The following JAK2 variants were observed in gnomAD, a reference collection of about 807,000 sequenced individuals.
JAK2 encodes the protein tyrosine-protein kinase JAK2.
A neutral mutation model predicts 139.3 loss-of-function variants in JAK2; 86 were observed. That is an observed-to-expected ratio of 0.62 (90% CI 0.52 to 0.74). The LOEUF (loss-of-function observed/expected upper bound fraction) is 0.74. Ranked by LOEUF, JAK2 falls within the 30% of genes least tolerant of loss-of-function variation. The probability of loss-of-function intolerance (pLI) is 0.00; values close to 1 mark genes in which losing one functional copy is unlikely to be tolerated. For missense variants in JAK2, 1,421 were observed against 1,360.3 expected, an observed-to-expected ratio of 1.04 and a Z score of -0.70; for synonymous variants, 490 against 437.7, an observed-to-expected ratio of 1.12 and a Z score of -1.49.
chr9:5,118,919 T>A (rs929639015), intron 22 of JAK2, among the ~76,000 whole-genome samples: 2 of 152,224 alleles, frequency 1.3e-5, no homozygotes, highest in Non-Finnish European at 2.9e-5. Context: ...TCATCTGTTT[T>A]CTCAATTTCT....
Position 5,128,382 on chromosome 9 carries a change from G to A in JAK2, c.*1591G>A, listed in dbSNP as rs1456431494. On this transcript the variant is annotated 3_prime_UTR_variant, in exon 25 of 25. Coordinates refer to ENST00000381652, the MANE Select transcript of JAK2 (RefSeq NM_004972.4). ...TTTTAAAAAGATTTTAGATTTTTTTGAAAGTTTAATTTTTATTTGTAAAGA... is the reference window on the plus strand; with the variant it reads ...TTTTAAAAAGATTTTAGATTTTTTTAAAAGTTTAATTTTTATTTGTAAAGA... 6.6e-6 allele frequency among the ~76,000 whole-genome samples: 1 copy of A among 151,608 alleles called. No individual in the cohort carries two copies. Among genetic ancestry groups the A allele is most frequent in the East Asian group, 1.9e-4 (1 of 5,192 alleles).
At chr9:4,990,665 T>A (rs1315841677) in intron 2 of JAK2, among the ~76,000 whole-genome samples, 1 of 152,058 alleles carries the variant, frequency 6.6e-6, no homozygotes, top group East Asian at 1.9e-4. Context: ...ATGATCAACA[T>A]GTTGATCATT....
intron 12 of JAK2, among the ~76,000 whole-genome samples, chr9:5,071,843 C>T (rs142853929): frequency 6.6e-6 from 1 of 152,276 alleles, no homozygotes; most frequent in African/African-American, 2.4e-5. Context: ...TGAACACAAG[C>T]AGCCTTACTG....
Position 4,994,470 on chromosome 9 carries a change from A to T in JAK2, c.-26+8448A>T, listed in dbSNP as rs1355738604. 2.0e-5 allele frequency among the ~76,000 whole-genome samples: 3 copies of T among 152,160 alleles called. No homozygotes were observed. In the East Asian group the frequency reaches 5.8e-4, roughly 29 times the overall value. ...CATCTGTGAGTTCCCAGGTGATCTG[A>T]TAATGTTGATCTGGGGCCTAGATTG... is the stretch of plus-strand genomic sequence containing the variant. On this transcript the variant is annotated intron_variant, in intron 2 of 24. Coordinates refer to ENST00000381652, the MANE Select transcript of JAK2 (RefSeq NM_004972.4).
intron 22 of JAK2, chr9:5,112,536 G>A (rs1564016650): frequency 1.7e-6 from 1 of 596,474 alleles, no homozygotes; most frequent in Non-Finnish European, 3.0e-6. Flanking sequence ...AGGCCGAGTG[G>A]GAGAAGCAGG....
At chr9:5,100,002 A>G (rs765864862) in intron 22 of JAK2, 11 of 152,198 alleles carry the variant, frequency 7.2e-5, no homozygotes, top group African/African-American at 1.9e-4. Context: ...CCATTAGCCT[A>G]TTTATTCAAC....
chr9:5,104,192 GA>G (rs1821765510), intron 22 of JAK2, among the ~76,000 whole-genome samples: 3 of 152,078 alleles, frequency 2.0e-5, no homozygotes, highest in Admixed American at 2.0e-4. Flanking sequence ...AGAAAAGAGA[GA>G]AGAATCAAAT....
intron 19 of JAK2, among the ~76,000 whole-genome samples, chr9:5,082,382 A>G (rs1205940844): frequency 1.3e-5 from 2 of 152,210 alleles, no homozygotes; most frequent in African/African-American, 4.8e-5. Context: ...GCTTCTCTCC[A>G]CCCAAACATC....
intron 22 of JAK2, chr9:5,108,907 C>G (rs1255482742): frequency 6.6e-6 from 1 of 152,144 alleles, no homozygotes; most frequent in Non-Finnish European, 1.5e-5. Context: ...TTCTGCCTAG[C>G]AAATTCCAAC....
At chr9:4,987,817 A>G (rs1820044804) in intron 2 of JAK2, among the ~76,000 whole-genome samples, 1 of 152,026 alleles carries the variant, frequency 6.6e-6, no homozygotes. Flanking sequence ...GATTGTTGTG[A>G]GAAGTGAGTA....
intron 10 of JAK2, among the ~76,000 whole-genome samples, chr9:5,067,924 C>T (rs556065359): frequency 1.3e-4 from 20 of 152,076 alleles, no homozygotes; most frequent in East Asian, 3.9e-4. Flanking sequence ...GAGGCCAAGG[C>T]GGGTGGATCA....
intron 8 of JAK2, among the ~76,000 whole-genome samples, chr9:5,056,315 T>G (rs1817759106): frequency 6.6e-6 from 1 of 152,128 alleles, no homozygotes; most frequent in African/African-American, 2.4e-5. Context: ...TATTTTAATG[T>G]AAATAGGAGA....
chr9:5,101,061 T>G (rs561352700), intron 22 of JAK2: 1 of 152,160 alleles, frequency 6.6e-6, no homozygotes, highest in Non-Finnish European at 1.5e-5. Context: ...AGAGGGCAAG[T>G]TGAAGCAGGG....
chr9:4,993,116 G>T (rs1009315431), intron 2 of JAK2, among the ~76,000 whole-genome samples: 1 of 152,142 alleles, frequency 6.6e-6, no homozygotes, highest in Non-Finnish European at 1.5e-5. Flanking sequence ...TAAAAACTTT[G>T]TGGACTTCCT....
intron 19 of JAK2, among the ~76,000 whole-genome samples, chr9:5,089,398 C>T (rs369134276): frequency 1.3e-5 from 2 of 151,982 alleles, no homozygotes; most frequent in Admixed American, 1.3e-4. Flanking sequence ...ATTAGCTGGG[C>T]GTATTGGCGG....
chr9:5,070,240 T>C (rs995077308), intron 12 of JAK2, among the ~76,000 whole-genome samples, 188 bp downstream of exon 12: 5 of 152,084 alleles, frequency 3.3e-5, no homozygotes, highest in African/African-American at 1.2e-4. Context: ...ATCTTAATTA[T>C]CCTAAGAATG....
At chr9:5,035,179 C>A (rs1477366674) in intron 4 of JAK2, among the ~76,000 whole-genome samples, 1 of 152,130 alleles carries the variant, frequency 6.6e-6, no homozygotes, top group Non-Finnish European at 1.5e-5. Context: ...CAAGACTAAA[C>A]CAGAAAGAAG....
chr9:5,095,002 A>G (rs1820876723), intron 22 of JAK2: 1 of 152,168 alleles, frequency 6.6e-6, no homozygotes. Flanking sequence ...AATTTCCAGC[A>G]TTCCACCCCA....
chr9:5,021,271 G>T (rs1563931216), intron 2 of JAK2, among the ~76,000 whole-genome samples: 1 of 152,042 alleles, frequency 6.6e-6, no homozygotes, highest in African/African-American at 2.4e-5. Context: ...TTATCTACTC[G>T]CTATTTTGGT....
Sources: gnomAD v4.1 joint callset for allele counts (sites outside exome capture counted in the v4.1 genomes callset) on GRCh38, gnomAD v4.1.1 for gene constraint, MANE v1.5 for transcripts, NCBI Gene and HGNC (gene_info 2026-07-23, HGNC 2026-07-21) for gene names.